The following MEGF10 variants were observed in gnomAD, a reference collection of about 807,000 sequenced individuals.
MEGF10 encodes multiple epidermal growth factor-like domains protein 10.
A neutral mutation model predicts 147.5 loss-of-function variants in MEGF10; 86 were observed. The ratio of observed to expected loss-of-function variants is 0.58; its 90% CI spans 0.49 to 0.70. MEGF10 has a LOEUF of 0.70. Ranked by LOEUF, MEGF10 falls within the 30% of genes least tolerant of loss-of-function variation. MEGF10 has a pLI of 0.00. For missense variants in MEGF10, 1,329 were observed against 1,487.3 expected (o/e 0.89, Z 1.75); for synonymous variants, 478 against 525.5 (o/e 0.91, Z 1.24).
At chr5:127,453,553 A>G (rs1304737571) in intron 22 of MEGF10, among the ~76,000 whole-genome samples, 2 of 152,184 alleles carry the variant, frequency 1.3e-5, no homozygotes, top group Non-Finnish European at 2.9e-5. Flanking sequence ...TGGAAGGCAA[A>G]TTTTGTTTTC....
At chr5:127,284,547 C>G in the MEGF10 span, among the ~76,000 whole-genome samples, 39 of 152,182 alleles carry the variant, frequency 2.6e-4, no homozygotes, top group African/African-American at 9.4e-4. Flanking sequence ...AAGTCAGACC[C>G]AGGGTCAGTC....
At chr5:127,268,274 T>C in the MEGF10 span, among the ~76,000 whole-genome samples, 4 of 152,222 alleles carry the variant, frequency 2.6e-5, no homozygotes, top group African/African-American at 9.6e-5. Context: ...TGCACTGTGG[T>C]CTGAGAGACA....
At chr5:127,245,692 G>GTT in the MEGF10 span, among the ~76,000 whole-genome samples, 1 of 151,998 alleles carries the variant, frequency 6.6e-6, no homozygotes, top group Non-Finnish European at 1.5e-5. Context: ...TGGAAGAAAA[G>GTT]TTTTGCAAAC....
intron 1 of MEGF10, among the ~76,000 whole-genome samples, chr5:127,309,984 T>TC: frequency 1.3e-5 from 1 of 76,272 alleles, no homozygotes; most frequent in Non-Finnish European, 3.0e-5. Context: ...TTTCTTTCTT[T>TC]CTTTCTTTCT....
At chr5:127,247,389 G>A in the MEGF10 span, among the ~76,000 whole-genome samples, 3 of 29,688 alleles carry the variant, frequency 1.0e-4, 1 homozygote, top group African/African-American at 2.8e-4. Flanking sequence ...AGAAGAAGAA[G>A]AAGAAGAAGA....
At chr5:127,425,743 G>A (rs897865910) in intron 13 of MEGF10, among the ~76,000 whole-genome samples, 2 of 152,018 alleles carry the variant, frequency 1.3e-5, no homozygotes, top group Non-Finnish European at 2.9e-5. Context: ...TACCCTGTTA[G>A]GACCTTTTTG....
intron 4 of MEGF10, among the ~76,000 whole-genome samples, chr5:127,344,812 T>C (rs555864789): frequency 1.2e-4 from 18 of 152,350 alleles, no homozygotes; most frequent in African/African-American, 3.6e-4. Context: ...AAATAGATCT[T>C]ACACATGCGG....
intron 5 of MEGF10, among the ~76,000 whole-genome samples, chr5:127,388,531 T>TTATG (rs1416100750): frequency 6.7e-6 from 1 of 149,384 alleles, no homozygotes; most frequent in Admixed American, 6.7e-5. Context: ...ATTTATTTAT[T>TTATG]TATTTATTTA....
chr5:127,415,780 G>A lies in MEGF10; in HGVS notation c.1131-1858G>A, dbSNP rs1176028233. ...TTAGCTGGGCATGGGGCACACGCCT[G>A]TAATCCCAGCTACTCGGGAGGCTGA... On this transcript the variant is annotated intron_variant, in intron 9 of 24. Coordinates refer to ENST00000503335, the MANE Select transcript of MEGF10 (RefSeq NM_001256545.2). Among the ~76,000 whole-genome samples, 3 of 150,752 alleles carry A rather than the reference G, an allele frequency of 2.0e-5. No homozygotes were observed. The Admixed American group carries it at 2.0e-4, about 10-fold the overall frequency.
chr5:127,374,801 A>G (rs1437073833), intron 5 of MEGF10, among the ~76,000 whole-genome samples: 1 of 152,190 alleles, frequency 6.6e-6, no homozygotes, highest in African/African-American at 2.4e-5. Context: ...ATTAAGAGCT[A>G]TTAAAAATGT....
rs1264341592 is a variant in MEGF10 at position 127,410,401 on chromosome 5, G to A, written c.930G>A (p.Glu310=). ...TCTTGCTTGGTAGGTGCCAGGATGAGTGTCCTGTTGGGACCTATGGCGTTC... is the reference window on the plus strand; with the variant it reads ...TCTTGCTTGGTAGGTGCCAGGATGAATGTCCTGTTGGGACCTATGGCGTTC... ...PGYTGERCQD[E]CPVGTYGVLC... Residue 310 remains glutamate, a synonymous_variant, in exon 9 of 25, where the codon GAG becomes GAA. Coordinates refer to ENST00000503335, the MANE Select transcript of MEGF10 (RefSeq NM_001256545.2). 2 of 1,614,100 alleles carry A rather than the reference G, an allele frequency of 1.2e-6. No individual in the cohort carries two copies. The highest frequency in any genetic ancestry group is 1.3e-5 in the African/African-American group (1 of 74,944).
intron 4 of MEGF10, among the ~76,000 whole-genome samples, chr5:127,362,824 T>A (rs183418606): frequency 2.0e-5 from 3 of 152,342 alleles, no homozygotes; most frequent in African/African-American, 7.2e-5. Context: ...TGATTTCTTC[T>A]TGTCCTGTTT....
At chr5:127,347,534 G>A (rs1761934551) in intron 4 of MEGF10, among the ~76,000 whole-genome samples, 1 of 151,958 alleles carries the variant, frequency 6.6e-6, no homozygotes, top group African/African-American at 2.4e-5. Flanking sequence ...GTTATGTTAG[G>A]GAGTTAGAGA....
chr5:127,343,130 T>G (rs970878827), intron 4 of MEGF10, among the ~76,000 whole-genome samples: 2 of 152,136 alleles, frequency 1.3e-5, no homozygotes, highest in Non-Finnish European at 2.9e-5. Flanking sequence ...CATAGTCTCT[T>G]TTTTTCTACC....
chr5:127,274,510 T>C, the MEGF10 span, among the ~76,000 whole-genome samples: 1 of 152,134 alleles, frequency 6.6e-6, no homozygotes, highest in Non-Finnish European at 1.5e-5. Flanking sequence ...ATAATAAAAA[T>C]AGATGGTAAA....
intron 5 of MEGF10, among the ~76,000 whole-genome samples, chr5:127,381,868 A>G (rs1763278097): frequency 6.6e-6 from 1 of 152,116 alleles, no homozygotes; most frequent in South Asian, 2.1e-4. Context: ...GTGGGGTTTC[A>G]CCATGTGGGC....
intron 1 of MEGF10, among the ~76,000 whole-genome samples, chr5:127,326,082 A>T (rs31470): frequency 0.41 from 59,846 of 147,744 alleles, 13,317 homozygotes; most frequent in Middle Eastern, 0.58. Context: ...AGCCTGGCTA[A>T]TTTTTTTTTT....
intron 20 of MEGF10, among the ~76,000 whole-genome samples, 179 bp from the exon 21 acceptor site, chr5:127,447,378 T>C (rs2127028543): frequency 6.6e-6 from 1 of 152,210 alleles, no homozygotes; most frequent in South Asian, 2.1e-4. Context: ...GGGGTTTTAC[T>C]GTGTTAGCCA....
At chr5:127,264,831 G>A in the MEGF10 span, among the ~76,000 whole-genome samples, 1 of 151,688 alleles carries the variant, frequency 6.6e-6, no homozygotes, top group Admixed American at 6.6e-5. Context: ...TTTCATTTCT[G>A]GGATACATGT....
Sources: allele counts gnomAD v4.1 joint callset (sites outside exome capture counted in the v4.1 genomes callset), GRCh38; gene constraint gnomAD v4.1.1; transcripts MANE v1.5; gene names NCBI Gene and HGNC (gene_info 2026-07-23, HGNC 2026-07-21).